The following CEBPZOS variants were observed in gnomAD, a reference collection of about 807,000 sequenced individuals.
CEBPZOS encodes the protein protein CEBPZOS.
In CEBPZOS, 10 loss-of-function variants were observed where a neutral mutation model predicts 4.8. That is an observed-to-expected ratio of 2.07 (90% CI 1.28 to 3.52). The LOEUF is 3.52. Ranked by LOEUF, CEBPZOS falls within the 30% of genes most tolerant of loss-of-function variation. The pLI is 0.00. For missense variants in CEBPZOS, 98 were observed against 43.6 expected (o/e 2.25, Z -3.51); for synonymous variants, 25 against 14.2 (o/e 1.77, Z -1.72).
downstream of CEBPZOS, among the ~76,000 whole-genome samples, chr2:37,208,128 TAAC>T (rs1455759626): frequency 6.6e-6 from 1 of 152,064 alleles, no homozygotes; most frequent in Non-Finnish European, 1.5e-5. Context: ...AACAGACCAA[TAAC>T]AAGTAGCACG....
chr2:37,196,690 A>AGGCGGCCGTGGTCTGGCGGCCGTGGTCT (rs200124714), intron 1 of CEBPZOS, 170 bp downstream of exon 1: 2 of 152,312 alleles, frequency 1.3e-5, no homozygotes, highest in Admixed American at 1.3e-4. Flanking sequence ...CCGGGTCGCT[A>AGGCGGCCGTGGTCTGGCGGCCGTGGTCT]GGCGGCCGTG....
At position 37,201,272 on chromosome 2, in the gene CEBPZOS, G is replaced by C. The variant is rs1352815473; in HGVS notation, c.160+180G>C. 5.3e-6 allele frequency: 3 copies of C among 562,054 alleles called. No homozygotes were observed. In the Admixed American group the frequency reaches 9.9e-5, roughly 19 times the overall value. 34.8% of individuals were successfully genotyped at this position (562,054 alleles called of 1,614,324 possible). A position where few individuals can be genotyped will look rare whatever the true frequency, so the allele number is the denominator to read the frequency against. On this transcript the variant is annotated intron_variant, in intron 3 of 4. Coordinates refer to ENST00000402297, the MANE Select transcript of CEBPZOS (RefSeq NM_001322374.2). ...AGAATTAGGTAATGGGCTGGATTCT[G>C]AATTCTTCTAGTGGTTAAGAATGTA...
At chr2:37,198,152 C>T (rs112215260) in intron 1 of CEBPZOS, among the ~76,000 whole-genome samples, 1,734 of 151,762 alleles carry the variant, frequency 0.011, 34 homozygotes, top group African/African-American at 0.04. Flanking sequence ...AGAGCGAGAC[C>T]GTGTCTCCAA....
At chr2:37,212,434 C>A in intron 4 of CEBPZOS, 1 of 1,493,710 alleles carries the variant, frequency 6.7e-7, no homozygotes, top group South Asian at 1.1e-5. Flanking sequence ...CAAAGAATGA[C>A]AAGCTTGACA....
rs1402567078 is a variant in CEBPZOS, at chr2:37,201,844, T to C, written c.*3-19T>C. 1.2e-6 allele frequency: 2 copies of C among 1,612,920 alleles called. No individual in the cohort carries two copies. The highest frequency in any genetic ancestry group is 1.7e-5 in the Admixed American group (1 of 60,022). ...TGTTTCTTTTTCTTGATGATACTTT[T>C]TGCATCTCTGTTGTGTAGCCAGTCA... is the stretch of plus-strand genomic sequence containing the variant. On this transcript the variant is annotated intron_variant, in intron 4 of 4. Transcript: ENST00000402297.
chr2:37,213,032 G>C (rs773514959), intron 4 of CEBPZOS, among the ~76,000 whole-genome samples: 9 of 152,032 alleles, frequency 5.9e-5, no homozygotes, highest in Non-Finnish European at 1.2e-4. Context: ...GGGAGACAGA[G>C]AGAGCCTGTC....
In CEBPZOS at chr2:37,199,820, G is replaced by A. The variant is rs79013555; in HGVS notation, c.115+1G>A. The A allele has an allele frequency of 2.2e-4, 158 of 717,482 alleles. 1 individual carries two copies. In the East Asian group the frequency reaches 3.9e-3, roughly 18 times the overall value. The allele number at this position is 717,482 out of a possible 1,614,324, so 44.4% of individuals were successfully genotyped here. On this transcript the variant is annotated splice_donor_variant, in intron 2 of 4. Transcript: ENST00000402297. LOFTEE classifies it high-confidence loss of function. ...TTTAGCAAGATGCACACAAGCCAAG[G>A]TAATCATAATTCAGAAGTTAATGCT... is the stretch of plus-strand genomic sequence containing the variant.
At position 37,201,075 on chromosome 2, in the gene CEBPZOS, A is replaced by T. The variant is rs1385373653; in HGVS notation, c.143A>T (p.Tyr48Phe). 1 of 716,432 alleles carries T rather than the reference A, an allele frequency of 1.4e-6. No homozygotes were observed. The highest frequency in any genetic ancestry group is 1.5e-5 in the South Asian group (1 of 67,096). 44.4% of individuals were successfully genotyped at this position (716,432 alleles called of 1,614,324 possible). ...TTCAGGCAAACAATGAGCAAGAAAT[A>T]TCCCTTCATCTTGGAAGGTATGTTT... ...QDFRQTMSKK[Y>F]PFILEVYYKS... The change falls in exon 3 of 5, where the codon TAT becomes TTT. Residue 48 changes from tyrosine to phenylalanine, a missense_variant. Transcript: ENST00000402297.
chr2:37,196,501 C>T lies in CEBPZOS; in HGVS notation c.-21C>T, dbSNP rs1676941051. The T allele has an allele frequency of 6.6e-6, 1 of 152,268 alleles. No homozygotes were observed. Among genetic ancestry groups the T allele is most frequent in the Non-Finnish European group, 1.5e-5 (1 of 68,078 alleles). 9.4% of individuals were successfully genotyped at this position (152,268 alleles called of 1,614,324 possible). A position where few individuals can be genotyped will look rare whatever the true frequency, so the allele number is the denominator to read the frequency against. On this transcript the variant is annotated 5_prime_UTR_variant, in exon 1 of 5. Transcript: ENST00000402297. Reference sequence around the variant, plus strand: ...TCGCCAACCGTTGCGCATGCGCAGTCCCCCTTGAACGCACCTCAGGTAAGA... The same window carrying T: ...TCGCCAACCGTTGCGCATGCGCAGTTCCCCTTGAACGCACCTCAGGTAAGA...
At chr2:37,214,001 G>C (rs779660801), downstream of CEBPZOS, 19 of 1,148,214 alleles carry the variant, frequency 1.7e-5, no homozygotes, top group Admixed American at 5.8e-4. Flanking sequence ...TTTTATTAAA[G>C]GTCTAATCTT....
chr2:37,209,342 A>G (rs571683935), downstream of CEBPZOS: 2 of 152,174 alleles, frequency 1.3e-5, no homozygotes, highest in African/African-American at 4.8e-5. Context: ...GCCAAGCAAG[A>G]CTAAACAAAA....
At chr2:37,212,025 C>G (rs1335792021) in intron 4 of CEBPZOS, 3 of 1,580,486 alleles carry the variant, frequency 1.9e-6, no homozygotes, top group Non-Finnish European at 2.6e-6. Context: ...TCCTTTTGTT[C>G]TCTTTTTCAC....
Position 37,203,096 on chromosome 2 carries a change from T to C in CEBPZOS, c.*1236T>C, listed in dbSNP as rs1677360325. The stretch of plus-strand genomic sequence containing the variant: ...TGCAACATGATTTTATTTTAAAAAT[T>C]ATACTTGGGTAAAAACAATTGCAAT... On this transcript the variant is annotated 3_prime_UTR_variant, in exon 5 of 5. Coordinates refer to ENST00000402297, the MANE Select transcript of CEBPZOS (RefSeq NM_001322374.2). 2.3e-6 allele frequency: 2 copies of C among 860,616 alleles called. No homozygotes were observed. 53.3% of individuals were successfully genotyped at this position (860,616 alleles called of 1,614,324 possible).
chr2:37,201,724 G>A lies in CEBPZOS; in HGVS notation c.243G>A (p.Ter81=), dbSNP rs769726729. ...AAACATGGTTGAACAGCAAAAATTA[G>A]ATGTAAGTAGAATTTTAATCTATAA... ...DQKTWLNSKN[*] is the part of the protein sequence containing the mutation. Residue 81 remains the stop codon, a splice_region_variant and stop_retained_variant, in exon 4 of 5, where the codon TAG becomes TAA. Coordinates refer to ENST00000402297, the MANE Select transcript of CEBPZOS (RefSeq NM_001322374.2). 1.1e-5 allele frequency: 13 copies of A among 1,175,474 alleles called. No homozygotes were observed. Among genetic ancestry groups the A allele is most frequent in the Non-Finnish European group, 1.5e-5 (12 of 801,976 alleles). 72.8% of individuals were successfully genotyped at this position (1,175,474 alleles called of 1,614,324 possible). A position where few individuals can be genotyped will look rare whatever the true frequency, so the allele number is the denominator to read the frequency against.
intron 3 of CEBPZOS, 188 bp from the exon 4 acceptor site, chr2:37,201,454 T>TA: frequency 1.8e-6 from 1 of 549,292 alleles, no homozygotes; most frequent in Non-Finnish European, 3.3e-6. Flanking sequence ...ATCATGTAGT[T>TA]AGACGAAATA....
At chr2:37,214,975 T>C, downstream of CEBPZOS, 2 of 1,468,308 alleles carry the variant, frequency 1.4e-6, no homozygotes, top group Non-Finnish European at 1.9e-6. Context: ...ATTTAAACAT[T>C]TTAACTTCAT....
chr2:37,212,199 A>G, intron 4 of CEBPZOS: 1 of 979,452 alleles, frequency 1.0e-6, no homozygotes, highest in Non-Finnish European at 1.5e-6. Flanking sequence ...GTCAAAGATG[A>G]AAGTACTGTA....
Position 37,202,762 on chromosome 2 carries a change from TAAAA to T in CEBPZOS, c.*906_*909del. The T allele has an allele frequency of 7.0e-7, 1 of 1,428,564 alleles. No homozygotes were observed. The highest frequency in any genetic ancestry group is 9.4e-7 in the Non-Finnish European group (1 of 1,060,898). 88.5% of individuals were successfully genotyped at this position (1,428,564 alleles called of 1,614,324 possible). ...GCCAAAGCTATTTTTAAAACATCAA[TAAAA>T]AAATTTAAGTTACTTACTTGCATTA... On this transcript the variant is annotated 3_prime_UTR_variant, in exon 5 of 5. Transcript: ENST00000402297.
At chr2:37,212,404 T>G (rs749101174) in intron 4 of CEBPZOS, 1 of 1,607,400 alleles carries the variant, frequency 6.2e-7, no homozygotes, top group African/African-American at 1.3e-5. Context: ...TGCCAGACAA[T>G]ACAGAAATGT....
Sources: gnomAD v4.1 joint callset for allele counts (sites outside exome capture counted in the v4.1 genomes callset) on GRCh38, gnomAD v4.1.1 for gene constraint, MANE v1.5 for transcripts, NCBI Gene and HGNC (gene_info 2026-07-23, HGNC 2026-07-21) for gene names.